Variants in SENP6 observed in about 807,000 individuals in gnomAD.
SENP6 encodes the protein SUMO specific peptidase 6, also known as sentrin-specific protease 6.
In SENP6, 41 loss-of-function variants were observed where a neutral mutation model predicts 134.5. The ratio of observed to expected loss-of-function variants is 0.30; its 90% CI spans 0.24 to 0.40. The LOEUF (loss-of-function observed/expected upper bound fraction) is 0.40. Ranked by LOEUF, SENP6 falls within the 10% of genes least tolerant of loss-of-function variation. SENP6 has a pLI of 1.00. For missense variants in SENP6, 1,248 were observed against 1,312.5 expected (o/e 0.95, Z 0.76); for synonymous variants, 395 against 429.8 (o/e 0.92, Z 1.00).
intron 10 of SENP6, among the ~76,000 whole-genome samples, chr6:75,669,189 A>C (rs1471106475): frequency 6.6e-6 from 1 of 152,072 alleles, no homozygotes; most frequent in Admixed American, 6.6e-5. Context: ...GTCTCTACTA[A>C]AAATACAAAA....
chr6:75,619,729 T>C (rs549747295), intron 1 of SENP6, among the ~76,000 whole-genome samples: 2 of 152,148 alleles, frequency 1.3e-5, no homozygotes, highest in South Asian at 4.1e-4. Context: ...GCGTTCCCAC[T>C]AGCAATGCAC....
intron 19 of SENP6, among the ~76,000 whole-genome samples, chr6:75,705,947 T>TTTTTTTTTTTTTG (rs1775378095): frequency 9.3e-6 from 1 of 107,418 alleles, no homozygotes; most frequent in Non-Finnish European, 1.8e-5. Flanking sequence ...TTTTTTTTTT[T>TTTTTTTTTTTTTG]TTTTTTTGAG....
At chr6:75,687,243 CCAT>C (rs1473638977) in intron 16 of SENP6, among the ~76,000 whole-genome samples, 1 of 152,012 alleles carries the variant, frequency 6.6e-6, no homozygotes, top group East Asian at 1.9e-4. Flanking sequence ...GTTATCAGCT[CCAT>C]CAGGTCATTT....
Position 75,709,631 on chromosome 6 carries a change from G to T in SENP6, c.2820+1G>T. ...CTTCTCAGAAGATCAGGATAACCAGGTAAAACTTAATGCTTGGCAAAAAGT... is the reference window on the plus strand; with the variant it reads ...CTTCTCAGAAGATCAGGATAACCAGTTAAAACTTAATGCTTGGCAAAAAGT... On this transcript the variant is annotated splice_donor_variant, in intron 20 of 23. Transcript: ENST00000447266. LOFTEE classifies it high-confidence loss of function. The T allele has an allele frequency of 6.2e-7, 1 of 1,610,186 alleles. No homozygotes were observed. The highest frequency in any genetic ancestry group is 8.5e-7 in the Non-Finnish European group (1 of 1,176,658).
intron 21 of SENP6, among the ~76,000 whole-genome samples, chr6:75,712,443 A>G (rs1382892082): frequency 6.6e-6 from 1 of 152,106 alleles, no homozygotes; most frequent in African/African-American, 2.4e-5. Context: ...TCTGAAGACC[A>G]AAGCAGGAGG....
In SENP6 at chr6:75,633,699, A is replaced by G. The variant is rs1769286014; in HGVS notation, c.326A>G (p.Asn109Ser). 7.5e-6 allele frequency: 12 copies of G among 1,610,186 alleles called. No homozygotes were observed. The highest frequency in any genetic ancestry group is 9.3e-6 in the Non-Finnish European group (11 of 1,178,766). ...KTLKGNPIGL[N>S]MLSNNKKLSE... ...TTGAAAGGCAACCCAATTGGACTTA[A>G]CATGTTGAGCAACAATAAGAAATTG... The change falls in exon 4 of 24, where the codon AAC becomes AGC. Residue 109 changes from asparagine to serine, a missense_variant. Physicochemically the swap from Asn to Ser is conservative, Grantham distance 46. Coordinates refer to ENST00000447266, the MANE Select transcript of SENP6 (RefSeq NM_015571.4).
chr6:75,625,112 C>CTTTTT lies in SENP6; in HGVS notation c.207+1167_207+1171dup, dbSNP rs34953351. The stretch of plus-strand genomic sequence containing the variant: ...TAATATATATACGTGTGTGTGTGTC[C>CTTTTT]TTTTTTTTTTTTTTTTTTTCAGACG... On this transcript the variant is annotated intron_variant, in intron 3 of 23. Transcript: ENST00000447266. Among the ~76,000 whole-genome samples, 117 of 112,150 alleles carry CTTTTT rather than the reference C, an allele frequency of 1.0e-3. 11 individuals are homozygous for CTTTTT. The highest frequency in any genetic ancestry group is 3.3e-3 in the African/African-American group (96 of 29,076). The allele number at this position is 112,150 out of a possible 152,430, so 73.6% of individuals were successfully genotyped here. A position where few individuals can be genotyped will look rare whatever the true frequency, so the allele number is the denominator to read the frequency against.
intron 1 of SENP6, among the ~76,000 whole-genome samples, chr6:75,616,745 C>CA (rs1227499332): frequency 0.03 from 1,772 of 58,404 alleles, 51 homozygotes; most frequent in East Asian, 0.2. Flanking sequence ...GACTCCATCT[C>CA]AAAAAAAAAA....
intron 16 of SENP6, among the ~76,000 whole-genome samples, chr6:75,687,605 ATGTTGATGCTATTCCTTTCTGTT>A (rs968746624): frequency 5.9e-5 from 9 of 151,470 alleles, no homozygotes; most frequent in African/African-American, 1.2e-4. Flanking sequence ...CTTTTTGTTG[ATGTTGATGCTATTCCTTTCTGTT>A]TGTTGATGCT....
At chr6:75,694,261 C>CA (rs1052212731) in intron 16 of SENP6, among the ~76,000 whole-genome samples, 2 of 151,926 alleles carry the variant, frequency 1.3e-5, no homozygotes, top group Non-Finnish European at 2.9e-5. Context: ...ACTCTTATCT[C>CA]AAAAAAAATT....
At chr6:75,692,913 AAAAC>A (rs1294570497) in intron 16 of SENP6, among the ~76,000 whole-genome samples, 3 of 152,144 alleles carry the variant, frequency 2.0e-5, no homozygotes, top group Non-Finnish European at 4.4e-5. Context: ...CCACCAAAAA[AAAAC>A]AAAGTTAGCC....
chr6:75,626,532 T>C (rs193083713), intron 3 of SENP6, among the ~76,000 whole-genome samples: 86 of 152,284 alleles, frequency 5.6e-4, no homozygotes, highest in African/African-American at 2.0e-3. Flanking sequence ...ATTCAGTTTG[T>C]CCCTACTGAT....
At chr6:75,625,367 T>A (rs1386211601) in intron 3 of SENP6, among the ~76,000 whole-genome samples, 1 of 152,024 alleles carries the variant, frequency 6.6e-6, no homozygotes, top group Non-Finnish European at 1.5e-5. Context: ...CTCCCATCTC[T>A]GCCTCCGAAA....
At chr6:75,690,772 T>C (rs1276479069) in intron 16 of SENP6, among the ~76,000 whole-genome samples, 3 of 151,604 alleles carry the variant, frequency 2.0e-5, no homozygotes, top group African/African-American at 7.3e-5. Flanking sequence ...CTCGGCTCAC[T>C]GCAAGCTCCG....
At chr6:75,649,715 C>T (rs1770723910) in intron 7 of SENP6, among the ~76,000 whole-genome samples, 1 of 152,226 alleles carries the variant, frequency 6.6e-6, no homozygotes, top group Admixed American at 6.5e-5. Context: ...CGAAGTTTCA[C>T]CATGTTGGCC....
At chr6:75,681,018 C>T (rs1223846263) in intron 16 of SENP6, among the ~76,000 whole-genome samples, 1 of 152,140 alleles carries the variant, frequency 6.6e-6, no homozygotes, top group Non-Finnish European at 1.5e-5. Flanking sequence ...AGGAAGATCT[C>T]AAACTGAATG....
chr6:75,662,240 G>A (rs564436121), intron 8 of SENP6, among the ~76,000 whole-genome samples: 3 of 152,094 alleles, frequency 2.0e-5, no homozygotes, highest in East Asian at 1.9e-4. Context: ...TTTGTAAAAC[G>A]CCTTCCACTT....
intron 16 of SENP6, among the ~76,000 whole-genome samples, chr6:75,687,342 C>T (rs1442951717): frequency 2.0e-5 from 3 of 152,194 alleles, no homozygotes; most frequent in East Asian, 1.9e-4. Context: ...TGGGTTCGAA[C>T]ATCCTCCTTT....
At chr6:75,635,342 A>G (rs1229596599) in intron 5 of SENP6, among the ~76,000 whole-genome samples, 19 of 152,196 alleles carry the variant, frequency 1.2e-4, no homozygotes, top group Admixed American at 1.2e-3. Flanking sequence ...TTGGAATGTT[A>G]CATGACCTTT....
Sources: allele counts gnomAD v4.1 joint callset (sites outside exome capture counted in the v4.1 genomes callset), GRCh38; gene constraint gnomAD v4.1.1; transcripts MANE v1.5; gene names NCBI Gene and HGNC (gene_info 2026-07-23, HGNC 2026-07-21).